ST13: variants seen among roughly 807,000 people sequenced by gnomAD.
ST13 encodes the protein ST13 Hsp70 interacting protein.
Under a neutral mutation model 56.7 loss-of-function variants are expected in ST13, and 23 were observed. That is an observed-to-expected ratio of 0.41 (90% confidence interval 0.29 to 0.57). ST13 has a LOEUF of 0.57. Among genes scored for constraint, ST13 ranks in the 20% least tolerant of loss-of-function variants. ST13 has a pLI of 0.36. For synonymous variants in ST13, 132 were observed against 142.4 expected, an observed-to-expected ratio of 0.93 and a Z score of 0.52; for missense variants, 369 against 459.9, an observed-to-expected ratio of 0.80 and a Z score of 1.81.
At chr22:40,842,733 A>T (rs1222622578) in intron 4 of ST13, among the ~76,000 whole-genome samples, 2 of 152,224 alleles carry the variant, frequency 1.3e-5, no homozygotes, top group African/African-American at 2.4e-5. Context: ...CAGGATAAAT[A>T]AAAAATTATA....
At chr22:40,853,751 G>A (rs2057873773) in intron 1 of ST13, among the ~76,000 whole-genome samples, 1 of 152,042 alleles carries the variant, frequency 6.6e-6, no homozygotes, top group Non-Finnish European at 1.5e-5. Context: ...CAACATTTAG[G>A]AAAAGCCATG....
intron 10 of ST13, among the ~76,000 whole-genome samples, 177 bp downstream of exon 10, chr22:40,829,449 C>A (rs1374757195): frequency 6.6e-6 from 1 of 152,086 alleles, no homozygotes; most frequent in African/African-American, 2.4e-5. Flanking sequence ...TTACACTGTA[C>A]AAAAAACATC....
intron 8 of ST13, 29 bp from the exon 9 acceptor site, chr22:40,830,985 C>T: frequency 6.8e-7 from 1 of 1,468,510 alleles, no homozygotes. Flanking sequence ...GCAAAATAAG[C>T]TTGCTCCAAA....
At chr22:40,835,387 T>C (rs1014251343) in intron 7 of ST13, 173 bp downstream of exon 7, 1 of 482,494 alleles carries the variant, frequency 2.1e-6, no homozygotes, top group East Asian at 3.2e-5. Flanking sequence ...CTTTTTTTTT[T>C]CTTTTACCTT....
intron 1 of ST13, among the ~76,000 whole-genome samples, chr22:40,852,003 A>G (rs1393361260): frequency 2.0e-5 from 3 of 152,168 alleles, no homozygotes; most frequent in African/African-American, 7.2e-5. Flanking sequence ...TTGGCCTCCC[A>G]AAGTGCTGGA....
chr22:40,835,442 C>A (rs1254246695), intron 7 of ST13, 118 bp downstream of exon 7: 1 of 805,358 alleles, frequency 1.2e-6, no homozygotes, highest in Non-Finnish European at 2.1e-6. Flanking sequence ...ATACTAAGTA[C>A]ACACTAATTT....
intron 3 of ST13, among the ~76,000 whole-genome samples, chr22:40,847,600 A>G (rs1234401098): frequency 6.6e-6 from 1 of 152,010 alleles, no homozygotes; most frequent in Admixed American, 6.6e-5. Context: ...TGCTTAGAAC[A>G]ACTTTAATAT....
intron 4 of ST13, 115 bp from the exon 5 acceptor site, chr22:40,840,807 T>G (rs561445775): frequency 9.0e-6 from 7 of 773,878 alleles, no homozygotes; most frequent in Non-Finnish European, 1.5e-5. Flanking sequence ...CATTCTTCTG[T>G]AGTCTCCAGA....
At chr22:40,855,508 A>T (rs899720571) in intron 1 of ST13, among the ~76,000 whole-genome samples, 1 of 152,230 alleles carries the variant, frequency 6.6e-6, no homozygotes, top group African/African-American at 2.4e-5. Flanking sequence ...AATGGTCTGC[A>T]TAGTTGCTAT....
At position 40,832,633 on chromosome 22, in the gene ST13, G is replaced by A. The variant is rs923769086; in HGVS notation, c.617C>T (p.Ala206Val). Residue 206 changes from alanine (A) to valine (V), a missense_variant, in exon 8 of 12, where the codon GCC (alanine) becomes GTC (valine). This residue lies in a region of ST13 where 64 missense variants were observed against 125.1 expected (regional missense o/e 0.51). Coordinates refer to ENST00000216218, the MANE Select transcript of ST13 (RefSeq NM_003932.5). ...GHWEEAAHDL[A>V]LACKLDYDED... ...ATCATAATCCAATTTACAGGCAAGGGCAAGATCATGGGCTGCTTCTTCCCA... is the reference window on the plus strand; with the variant it reads ...ATCATAATCCAATTTACAGGCAAGGACAAGATCATGGGCTGCTTCTTCCCA... 3 of 1,603,030 alleles carry A rather than the reference G, an allele frequency of 1.9e-6. No individual in the cohort carries two copies. The highest frequency in any genetic ancestry group is 2.5e-6 in the Non-Finnish European group (3 of 1,179,728).
intron 3 of ST13, among the ~76,000 whole-genome samples, chr22:40,847,572 A>T (rs2057838783): frequency 6.6e-6 from 1 of 151,670 alleles, no homozygotes; most frequent in Admixed American, 6.6e-5. Context: ...AAAAAAAAAA[A>T]AGAAAACTTT....
chr22:40,843,059 G>A (rs1050943157), intron 4 of ST13, among the ~76,000 whole-genome samples: 6 of 152,190 alleles, frequency 3.9e-5, no homozygotes, highest in Non-Finnish European at 7.3e-5. Flanking sequence ...CGTCAAGGGC[G>A]CAGTGAGCTA....
chr22:40,839,198 A>G (rs908744858), intron 5 of ST13, among the ~76,000 whole-genome samples: 1 of 152,226 alleles, frequency 6.6e-6, no homozygotes, highest in African/African-American at 2.4e-5. Flanking sequence ...TAAGGAGCTA[A>G]ATTAATCAGG....
Position 40,826,491 on chromosome 22 carries a change from T to G in ST13, c.*47A>C. On this transcript the variant is annotated 3_prime_UTR_variant, in exon 12 of 12. Coordinates refer to ENST00000216218, the MANE Select transcript of ST13 (RefSeq NM_003932.5). ...TATTATTGCGACATCCATAAGGTGATCTAGGTTGCTTTTCCTTCAGCAAGG... is the reference window on the plus strand; with the variant it reads ...TATTATTGCGACATCCATAAGGTGAGCTAGGTTGCTTTTCCTTCAGCAAGG... The G allele has an allele frequency of 6.3e-7, 1 of 1,589,096 alleles. No individual in the cohort carries two copies. Among genetic ancestry groups the G allele is most frequent in the Non-Finnish European group, 8.5e-7 (1 of 1,174,288 alleles).
intron 4 of ST13, among the ~76,000 whole-genome samples, chr22:40,841,269 C>T (rs1250442733): frequency 6.6e-6 from 1 of 150,850 alleles, no homozygotes; most frequent in Non-Finnish European, 1.5e-5. Context: ...ACTCAGGAGG[C>T]TGAGTTAGGA....
At chr22:40,851,539 T>C (rs746594055) in intron 1 of ST13, among the ~76,000 whole-genome samples, 2 of 152,116 alleles carry the variant, frequency 1.3e-5, no homozygotes, top group Non-Finnish European at 2.9e-5. Flanking sequence ...TACAAAGAAT[T>C]AGCGTTACAT....
chr22:40,835,564 G>A lies in ST13; in HGVS notation c.574C>T (p.His192Tyr). 1 of 1,607,672 alleles carries A rather than the reference G, an allele frequency of 6.2e-7. No homozygotes were observed. The highest frequency in any genetic ancestry group is 8.5e-7 in the Non-Finnish European group (1 of 1,175,906). The change falls in exon 7 of 12, where the codon CAC becomes TAC. Residue 192 changes from histidine (H) to tyrosine (Y), a missense_variant. Coordinates refer to ENST00000216218, the MANE Select transcript of ST13 (RefSeq NM_003932.5). ...AQPYKWRGKA[H>Y]RLLGHWEEAA... ...TAATTAAATTCAATTATTTACCTGT[G>A]TGCTTTCCCCCGCCACTTGTAAGGC...
At position 40,829,322 on chromosome 22, in the gene ST13, A is replaced by T. The variant is rs183965777; in HGVS notation, c.847+304T>A. Among the ~76,000 whole-genome samples, 70 of 152,282 alleles carry T rather than the reference A, an allele frequency of 4.6e-4. 1 individual carries two copies. The East Asian group carries it at 0.013, about 28-fold the overall frequency. ...TGTCGTAATCAGGAAGTACTCAATA[A>T]ATCTTCTGCGTGCCTTTTCCGTCTC... On this transcript the variant is annotated intron_variant, in intron 10 of 11. Coordinates refer to ENST00000216218, the MANE Select transcript of ST13 (RefSeq NM_003932.5).
intron 7 of ST13, among the ~76,000 whole-genome samples, chr22:40,833,290 C>T (rs2057762334): frequency 6.6e-6 from 1 of 152,180 alleles, no homozygotes. Flanking sequence ...AGCTGTGTGG[C>T]TGGGCGCGGT....
Sources: gnomAD v4.1 joint callset for allele counts (sites outside exome capture counted in the v4.1 genomes callset) on GRCh38, gnomAD v4.1.1 for gene constraint, gnomAD v4.1.1 regional missense constraint, MANE v1.5 for transcripts, NCBI Gene and HGNC (gene_info 2026-07-23, HGNC 2026-07-21) for gene names.